ERBB4: variants seen among roughly 807,000 people sequenced by gnomAD.
The protein encoded by ERBB4 is receptor tyrosine-protein kinase erbB-4.
Under a neutral mutation model 158.0 loss-of-function variants are expected in ERBB4, and 42 were observed. That is an observed-to-expected ratio of 0.27 (90% confidence interval 0.21 to 0.34). The LOEUF is 0.34. Ranked by LOEUF, ERBB4 falls within the 10% of genes least tolerant of loss-of-function variation. The pLI is 1.00. For missense variants in ERBB4, 1,333 were observed against 1,624.1 expected, an observed-to-expected ratio of 0.82 and a Z score of 3.08; for synonymous variants, 583 against 558.7, an observed-to-expected ratio of 1.04 and a Z score of -0.61.
chr2:211,836,288 G>A (rs1028525378), intron 3 of ERBB4, among the ~76,000 whole-genome samples: 1 of 152,000 alleles, frequency 6.6e-6, no homozygotes, highest in Non-Finnish European at 1.5e-5. Context: ...TTACAGCAAT[G>A]AAAATAAGAA....
intron 20 of ERBB4, among the ~76,000 whole-genome samples, chr2:211,452,398 G>A (rs985281730): frequency 4.6e-5 from 7 of 151,956 alleles, no homozygotes; most frequent in Admixed American, 2.0e-4. Flanking sequence ...GGCTGGTCTC[G>A]AACTCCTGAC....
intron 2 of ERBB4, among the ~76,000 whole-genome samples, chr2:212,073,634 A>G (rs1487629573): frequency 1.3e-5 from 2 of 152,002 alleles, no homozygotes; most frequent in African/African-American, 4.8e-5. Flanking sequence ...AGTCTTCTTG[A>G]TGCAGTGCAC....
rs147233652 is a variant in ERBB4 at position 211,952,042 on chromosome 2, T to C, written c.235-4426A>G. 4.0e-3 allele frequency among the ~76,000 whole-genome samples: 610 copies of C among 152,172 alleles called. 6 individuals are homozygous for C. The highest frequency in any genetic ancestry group is 0.014 in the African/African-American group (569 of 41,564). Reference sequence around the variant, plus strand: ...TCATAGCAAATCTCTCAACCCAAGATGTGTTGCTCTAATCTTTTATATGTA... The same window carrying C: ...TCATAGCAAATCTCTCAACCCAAGACGTGTTGCTCTAATCTTTTATATGTA... On this transcript the variant is annotated intron_variant, in intron 2 of 27. Coordinates refer to ENST00000342788, the MANE Select transcript of ERBB4 (RefSeq NM_005235.3).
intron 20 of ERBB4, among the ~76,000 whole-genome samples, chr2:211,531,166 A>G (rs2125662029): frequency 6.6e-6 from 1 of 152,302 alleles, no homozygotes; most frequent in Non-Finnish European, 1.5e-5. Flanking sequence ...ATCAAATTTT[A>G]CAGTGGATTA....
chr2:211,781,143 GT>G (rs2076025788), intron 4 of ERBB4, among the ~76,000 whole-genome samples: 1 of 152,158 alleles, frequency 6.6e-6, no homozygotes, highest in Admixed American at 6.5e-5. Flanking sequence ...AGTAACACAA[GT>G]TGGTAATGTA....
At chr2:212,222,920 A>G (rs964015298) in intron 1 of ERBB4, among the ~76,000 whole-genome samples, 36 of 151,484 alleles carry the variant, frequency 2.4e-4, no homozygotes, top group Admixed American at 1.2e-3. Context: ...TATTGGATAG[A>G]TAAAGAGTCA....
chr2:211,992,686 C>T (rs534470875), intron 2 of ERBB4, among the ~76,000 whole-genome samples: 3 of 152,216 alleles, frequency 2.0e-5, no homozygotes, highest in African/African-American at 4.8e-5. Flanking sequence ...ACTCTCCACT[C>T]TTCAGGTGAG....
chr2:211,602,375 C>T (rs760097317), intron 19 of ERBB4, among the ~76,000 whole-genome samples: 7 of 152,028 alleles, frequency 4.6e-5, no homozygotes, highest in Non-Finnish European at 1.0e-4. Flanking sequence ...TTGGGCTCTA[C>T]CAGCAAGCCC....
intron 20 of ERBB4, among the ~76,000 whole-genome samples, chr2:211,458,757 A>C (rs1220744455): frequency 6.6e-6 from 1 of 152,192 alleles, no homozygotes; most frequent in Non-Finnish European, 1.5e-5. Flanking sequence ...AGGGGAATCC[A>C]GGCTAAAACA....
intron 2 of ERBB4, among the ~76,000 whole-genome samples, chr2:212,082,474 T>C (rs951336123): frequency 5.9e-5 from 9 of 152,028 alleles, no homozygotes; most frequent in Non-Finnish European, 1.5e-5. Flanking sequence ...ATAAGGGCAT[T>C]TGCATACTTT....
chr2:211,524,224 TAC>T (rs1027649498), intron 20 of ERBB4, among the ~76,000 whole-genome samples: 1 of 151,128 alleles, frequency 6.6e-6, no homozygotes, highest in Admixed American at 6.6e-5. Context: ...CTGAGCTAAA[TAC>T]AGGGTGCTGA....
At chr2:211,598,951 A>G (rs2125809037) in intron 19 of ERBB4, among the ~76,000 whole-genome samples, 1 of 152,304 alleles carries the variant, frequency 6.6e-6, no homozygotes, top group Admixed American at 6.5e-5. Flanking sequence ...TCCATCATTT[A>G]CTTGCTGTGG....
intron 20 of ERBB4, among the ~76,000 whole-genome samples, chr2:211,508,154 A>C: frequency 6.6e-6 from 1 of 152,142 alleles, no homozygotes; most frequent in African/African-American, 2.4e-5. Context: ...CAAACTAAAG[A>C]GCTTCTGCAC....
At chr2:211,604,001 T>G (rs1469901781) in intron 19 of ERBB4, among the ~76,000 whole-genome samples, 2 of 152,246 alleles carry the variant, frequency 1.3e-5, no homozygotes, top group African/African-American at 4.8e-5. Flanking sequence ...GATACCACAT[T>G]TCTAAAGAAA....
intron 1 of ERBB4, among the ~76,000 whole-genome samples, chr2:212,488,500 T>G (rs747545714): frequency 6.6e-6 from 1 of 152,058 alleles, no homozygotes; most frequent in Non-Finnish European, 1.5e-5. Context: ...CTGGGAATAG[T>G]TTGTGATCTA....
At chr2:212,486,511 G>T (rs752805294) in intron 1 of ERBB4, among the ~76,000 whole-genome samples, 1 of 152,126 alleles carries the variant, frequency 6.6e-6, no homozygotes, top group Non-Finnish European at 1.5e-5. Context: ...AATTAAGTTT[G>T]CCCCACACTT....
At chr2:212,027,532 T>A (rs923249108) in intron 2 of ERBB4, among the ~76,000 whole-genome samples, 3 of 152,062 alleles carry the variant, frequency 2.0e-5, no homozygotes, top group Non-Finnish European at 4.4e-5. Context: ...ATTTTGTAAA[T>A]CAATGAGAAT....
chr2:212,008,600 A>C (rs1417030236), intron 2 of ERBB4, among the ~76,000 whole-genome samples: 1 of 152,126 alleles, frequency 6.6e-6, no homozygotes, highest in African/African-American at 2.4e-5. Context: ...TACTCATTTT[A>C]ACAGTTCACA....
chr2:212,230,656 C>A (rs536320661), intron 1 of ERBB4, among the ~76,000 whole-genome samples: 1 of 152,272 alleles, frequency 6.6e-6, no homozygotes, highest in Admixed American at 6.5e-5. Context: ...GTTTTCTGAA[C>A]ATATATTTTA....
Sources: allele counts gnomAD v4.1 joint callset (sites outside exome capture counted in the v4.1 genomes callset), GRCh38; gene constraint gnomAD v4.1.1; transcripts MANE v1.5; gene names NCBI Gene and HGNC (gene_info 2026-07-23, HGNC 2026-07-21).